The following SH3RF1 variants were observed in gnomAD, a reference collection of about 807,000 sequenced individuals.
SH3RF1 encodes E3 ubiquitin-protein ligase SH3RF1.
Under a neutral mutation model 74.0 loss-of-function variants are expected in SH3RF1, and 32 were observed. The observed-to-expected ratio is 0.43, with a 90% CI of 0.33 to 0.58. The LOEUF is 0.58. Ranked by LOEUF, SH3RF1 falls within the 20% of genes least tolerant of loss-of-function variation. The probability of loss-of-function intolerance (pLI) is 0.05; values close to 1 mark genes in which losing one functional copy is unlikely to be tolerated. For synonymous variants in SH3RF1, 396 were observed against 439.6 expected, an observed-to-expected ratio of 0.90 and a Z score of 1.24; for missense variants, 954 against 1,130.9, an observed-to-expected ratio of 0.84 and a Z score of 2.24.
At chr4:169,264,746 T>C (rs975598780) in intron 2 of SH3RF1, among the ~76,000 whole-genome samples, 25 of 152,186 alleles carry the variant, frequency 1.6e-4, no homozygotes, top group African/African-American at 4.3e-4. Context: ...CATCTGACCC[T>C]TCACCCTACG....
intron 11 of SH3RF1, among the ~76,000 whole-genome samples, chr4:169,101,548 C>T (rs543507941): frequency 6.6e-6 from 1 of 150,786 alleles, no homozygotes; most frequent in South Asian, 2.1e-4. Context: ...GGTTGTATGA[C>T]AACATGAATG....
chr4:169,207,904 A>G (rs1730287225), intron 2 of SH3RF1, among the ~76,000 whole-genome samples: 2 of 152,168 alleles, frequency 1.3e-5, no homozygotes, highest in Non-Finnish European at 2.9e-5. Flanking sequence ...CTCAGATCAC[A>G]GGCCTAATGA....
chr4:169,145,451 T>C (rs1436987588), intron 4 of SH3RF1, among the ~76,000 whole-genome samples: 4 of 151,900 alleles, frequency 2.6e-5, no homozygotes, highest in African/African-American at 2.4e-5. Context: ...AATTTACCTA[T>C]TGGGTACGAT....
At chr4:169,154,930 T>C (rs573662877) in intron 4 of SH3RF1, among the ~76,000 whole-genome samples, 2 of 152,192 alleles carry the variant, frequency 1.3e-5, no homozygotes, top group Non-Finnish European at 2.9e-5. Flanking sequence ...GACTTTACTA[T>C]GTCAAGCTTG....
intron 4 of SH3RF1, among the ~76,000 whole-genome samples, chr4:169,147,543 T>C (rs1236664118): frequency 6.6e-6 from 1 of 152,220 alleles, no homozygotes; most frequent in Non-Finnish European, 1.5e-5. Context: ...GTACCAAGGA[T>C]ATTGACCATC....
chr4:169,107,165 G>A lies in SH3RF1; in HGVS notation c.2180C>T (p.Ser727Phe). ...AGACACGCGGGGCTTCCGTTTAGTG[G>A]AGGCGCCAGAAAGCAACTTCAACAA... The part of the protein sequence containing the change: ...KGLLKLLSGA[S>F]TKRKPRVSPP... The change falls in exon 11 of 12, where the codon TCC becomes TTC. Residue 727 changes from serine to phenylalanine, a missense_variant. Ser to Phe is a radical substitution (Grantham distance 155, BLOSUM62 -2). Around this residue, in one of 3 missense-constraint regions of SH3RF1, gnomAD observed 854 missense variants for 962.5 expected, o/e 0.89. Transcript: ENST00000284637. The A allele has an allele frequency of 1.9e-6, 3 of 1,564,994 alleles. No homozygotes were observed. The highest frequency in any genetic ancestry group is 2.6e-6 in the Non-Finnish European group (3 of 1,156,920).
chr4:169,117,697 T>C lies in SH3RF1; in HGVS notation c.1603A>G (p.Thr535Ala). Residue 535 changes from threonine to alanine, a missense_variant, in exon 9 of 12, where the codon ACG (threonine) becomes GCG (alanine). This residue lies in a region of SH3RF1 where 854 missense variants were observed against 962.5 expected (regional missense o/e 0.89). Transcript: ENST00000284637. ...AGCTTCTGGGCAGGCCCTCCTGCCGTGGAAGGACTGACCATGGTCACTCCC... is the reference window on the plus strand; with the variant it reads ...AGCTTCTGGGCAGGCCCTCCTGCCGCGGAAGGACTGACCATGGTCACTCCC... The part of the protein sequence containing the change: ...SRGVTMVSPS[T>A]AGGPAQKLQG... 6.2e-7 allele frequency: 1 copy of C among 1,614,178 alleles called. No homozygotes were observed. The highest frequency in any genetic ancestry group is 8.5e-7 in the Non-Finnish European group (1 of 1,180,032).
chr4:169,126,773 T>C (rs945276591), intron 6 of SH3RF1, among the ~76,000 whole-genome samples: 1 of 152,024 alleles, frequency 6.6e-6, no homozygotes, highest in African/African-American at 2.4e-5. Flanking sequence ...TTTTTTTTTG[T>C]AGAGACAGGG....
At chr4:169,129,817 C>T (rs1733582922) in intron 6 of SH3RF1, among the ~76,000 whole-genome samples, 1 of 152,150 alleles carries the variant, frequency 6.6e-6, no homozygotes, top group Non-Finnish European at 1.5e-5. Flanking sequence ...TTTTTGAGTT[C>T]TTCTAATAGC....
At chr4:169,237,099 A>C (rs1342762965) in intron 2 of SH3RF1, among the ~76,000 whole-genome samples, 1 of 152,184 alleles carries the variant, frequency 6.6e-6, no homozygotes, top group Non-Finnish European at 1.5e-5. Flanking sequence ...GGAGCCAAAA[A>C]TGTGGTGCCA....
chr4:169,246,012 G>A (rs982940538), intron 2 of SH3RF1, among the ~76,000 whole-genome samples: 12 of 152,170 alleles, frequency 7.9e-5, no homozygotes, highest in Non-Finnish European at 1.2e-4. Flanking sequence ...TCTGCCAGGG[G>A]TGTCATATCC....
At chr4:169,212,172 C>G (rs1404704351) in intron 2 of SH3RF1, among the ~76,000 whole-genome samples, 3 of 142,158 alleles carry the variant, frequency 2.1e-5, no homozygotes, top group Non-Finnish European at 3.0e-5. Context: ...TCAAGCGATT[C>G]TCCTGCCTCA....
intron 10 of SH3RF1, among the ~76,000 whole-genome samples, chr4:169,111,476 G>A (rs1733245046): frequency 6.6e-6 from 1 of 151,604 alleles, no homozygotes; most frequent in African/African-American, 2.4e-5. Context: ...AGTTGCTGAG[G>A]GTGATCTTGT....
intron 11 of SH3RF1, among the ~76,000 whole-genome samples, chr4:169,097,900 C>T (rs1732958636): frequency 6.6e-6 from 1 of 152,214 alleles, no homozygotes; most frequent in South Asian, 2.1e-4. Context: ...TGTGAGGACA[C>T]TCAACATCTC....
intron 2 of SH3RF1, among the ~76,000 whole-genome samples, chr4:169,231,734 C>A (rs1395876378): frequency 6.6e-6 from 1 of 152,190 alleles, no homozygotes; most frequent in African/African-American, 2.4e-5. Flanking sequence ...TTCCAAATCA[C>A]CTGGACAACT....
intron 2 of SH3RF1, among the ~76,000 whole-genome samples, chr4:169,169,028 A>G (rs1026801336): frequency 5.3e-5 from 8 of 152,200 alleles, no homozygotes; most frequent in Admixed American, 1.3e-4. Flanking sequence ...AAGCAGAAAC[A>G]AGCTCAGCTG....
At chr4:169,174,024 G>A (rs1734376543) in intron 2 of SH3RF1, among the ~76,000 whole-genome samples, 1 of 150,774 alleles carries the variant, frequency 6.6e-6, no homozygotes, top group Admixed American at 6.6e-5. Context: ...TATGGTGACT[G>A]AATTCATACC....
At chr4:169,218,726 G>A (rs1730507527) in intron 2 of SH3RF1, among the ~76,000 whole-genome samples, 1 of 151,846 alleles carries the variant, frequency 6.6e-6, no homozygotes, top group African/African-American at 2.4e-5. Context: ...TTTATAGCTG[G>A]TGAAAGCTAG....
chr4:169,227,157 C>T (rs546468428), intron 2 of SH3RF1, among the ~76,000 whole-genome samples: 6 of 151,828 alleles, frequency 4.0e-5, no homozygotes, highest in African/African-American at 1.4e-4. Flanking sequence ...CAGAGCAACA[C>T]CCTGCCTTGA....
Sources: gnomAD v4.1 joint callset for allele counts (sites outside exome capture counted in the v4.1 genomes callset) on GRCh38, gnomAD v4.1.1 for gene constraint, gnomAD v4.1.1 regional missense constraint, MANE v1.5 for transcripts, NCBI Gene and HGNC (gene_info 2026-07-23, HGNC 2026-07-21) for gene names.